ENTPD6: variants seen among roughly 807,000 people sequenced by gnomAD.
ENTPD6 encodes the protein ectonucleoside triphosphate diphosphohydrolase 6.
Under a neutral mutation model 61.5 loss-of-function variants are expected in ENTPD6, and 46 were observed. That is an observed-to-expected ratio of 0.75 (90% confidence interval 0.59 to 0.96). The LOEUF (loss-of-function observed/expected upper bound fraction) is 0.96. ENTPD6 is among the 40% of genes least tolerant of loss of function. ENTPD6 has a pLI of 0.00. For synonymous variants in ENTPD6, 252 were observed against 255.5 expected, an observed-to-expected ratio of 0.99 and a Z score of 0.13; for missense variants, 612 against 629.0, an observed-to-expected ratio of 0.97 and a Z score of 0.29.
chr20:25,213,474 C>G, intron 5 of ENTPD6, 68 bp downstream of exon 5: 1 of 1,499,684 alleles, frequency 6.7e-7, no homozygotes, highest in Non-Finnish European at 9.0e-7. Context: ...AAAACAACTG[C>G]TGTCTCACCA....
intron 6 of ENTPD6, among the ~76,000 whole-genome samples, 190 bp downstream of exon 6, chr20:25,215,132 G>A (rs182496241): frequency 7.9e-4 from 120 of 152,310 alleles, no homozygotes; most frequent in African/African-American, 2.8e-3. Flanking sequence ...GTCACAAAAG[G>A]ATCTTTTTGG....
Position 25,224,266 on chromosome 20 carries a change from C to T in ENTPD6, c.1243+109C>T, listed in dbSNP as rs1240382837. ...GGTGTAGCCCCTCCTAAACAATGGCCACAGGCAGGGGCCTCGGCCCCAGCT... is the reference window on the plus strand; with the variant it reads ...GGTGTAGCCCCTCCTAAACAATGGCTACAGGCAGGGGCCTCGGCCCCAGCT... On this transcript the variant is annotated intron_variant, in intron 13 of 14. Transcript: ENST00000376652. 13 of 938,114 alleles carry T rather than the reference C, an allele frequency of 1.4e-5. No homozygotes were observed. In the East Asian group the frequency reaches 3.7e-4, roughly 26 times the overall value. The allele number at this position is 938,114 out of a possible 1,614,324, so 58.1% of individuals were successfully genotyped here.
Position 25,227,234 on chromosome 20 carries a change from A to C in ENTPD6, c.*1637A>C, listed in dbSNP as rs1479419191. ...CACGTGGTGGAGGCCTGCACAGAGCAGGAAAGGACAAAAGACAAAAAGAGG... is the reference window on the plus strand; with the variant it reads ...CACGTGGTGGAGGCCTGCACAGAGCCGGAAAGGACAAAAGACAAAAAGAGG... On this transcript the variant is annotated 3_prime_UTR_variant, in exon 15 of 15. Coordinates refer to ENST00000376652, the MANE Select transcript of ENTPD6 (RefSeq NM_001247.5). 1.3e-5 allele frequency among the ~76,000 whole-genome samples: 2 copies of C among 152,236 alleles called. No individual in the cohort carries two copies. The highest frequency in any genetic ancestry group is 2.9e-5 in the Non-Finnish European group (2 of 68,048).
intron 1 of ENTPD6, chr20:25,196,296 G>GTC: frequency 2.2e-6 from 2 of 924,314 alleles, no homozygotes; most frequent in Non-Finnish European, 2.6e-6. Flanking sequence ...GTGTAAGGAC[G>GTC]ATTCACCCTG....
Position 25,221,338 on chromosome 20 carries a change from G to C in ENTPD6, c.1045+5G>C. 1.2e-6 allele frequency: 2 copies of C among 1,611,446 alleles called. No individual in the cohort carries two copies. The highest frequency in any genetic ancestry group is 8.5e-7 in the Non-Finnish European group (1 of 1,177,652). ...GGGTTTCAGGGCAGAAAGCAGGTAC[G>C]GGGAGGGTTGCTGCCTGTTGGTTTC... On this transcript the variant is annotated splice_donor_5th_base_variant and intron_variant, in intron 11 of 14. Coordinates refer to ENST00000376652, the MANE Select transcript of ENTPD6 (RefSeq NM_001247.5).
At position 25,195,886 on chromosome 20, in the gene ENTPD6, C is replaced by T. The variant is rs1358050664; in HGVS notation, c.-16+19C>T. Reference sequence around the variant, plus strand: ...GTGCATGGTAAGCGGCGGGCCGGGGCGCTGGCGGGGGCGGCCGGGGATCAC... The same window carrying T: ...GTGCATGGTAAGCGGCGGGCCGGGGTGCTGGCGGGGGCGGCCGGGGATCAC... On this transcript the variant is annotated intron_variant, in intron 1 of 14. Coordinates refer to ENST00000376652, the MANE Select transcript of ENTPD6 (RefSeq NM_001247.5). 8.1e-7 allele frequency: 1 copy of T among 1,233,562 alleles called. No homozygotes were observed. The highest frequency in any genetic ancestry group is 3.2e-5 in the East Asian group (1 of 31,652). 76.4% of individuals were successfully genotyped at this position (1,233,562 alleles called of 1,614,324 possible). A position where few individuals can be genotyped will look rare whatever the true frequency, so the allele number is the denominator to read the frequency against.
In ENTPD6 at chr20:25,217,804, TCTC is replaced by T. The variant is rs1205621906; in HGVS notation, c.878+237_878+239del. Among the ~76,000 whole-genome samples, 16 of 148,382 alleles carry T rather than the reference TCTC, an allele frequency of 1.1e-4. No individual in the cohort carries two copies. The East Asian group carries it at 2.8e-3, about 26-fold the overall frequency. On this transcript the variant is annotated intron_variant, in intron 9 of 14. Transcript: ENST00000376652. ...ATACGCACATTCACCCAGACCTCTC[TCTC>T]CTCCTCCTCCTCCCACCTCCTCTGG...
In ENTPD6 at chr20:25,213,393, A is replaced by C; in HGVS notation, c.584A>C (p.Lys195Thr). 1 of 1,610,086 alleles carries C rather than the reference A, an allele frequency of 6.2e-7. No homozygotes were observed. Among genetic ancestry groups the C allele is most frequent in the Non-Finnish European group, 8.5e-7 (1 of 1,177,592 alleles). The part of the protein sequence containing the change: ...LRLLPGEKAQ[K>T]LLQKVKKVFK... ...CTGTTACCTGGAGAAAAGGCCCAGA[A>C]GTTACTGCAGAAGGTGAGCCTGGCC... The change falls in exon 5 of 15, where the codon AAG becomes ACG. Residue 195 changes from lysine to threonine, a missense_variant. By Grantham distance (78) the Lys-to-Thr change is moderately conservative. Transcript: ENST00000376652.
intron 1 of ENTPD6, among the ~76,000 whole-genome samples, chr20:25,198,663 T>C (rs1462572330): frequency 6.6e-6 from 1 of 152,236 alleles, no homozygotes; most frequent in African/African-American, 2.4e-5. Context: ...CTTTGGGTTA[T>C]AGTCTGCTAA....
Position 25,211,464 on chromosome 20 carries a change from G to A in ENTPD6, c.453+1539G>A, listed in dbSNP as rs549994813. Among the ~76,000 whole-genome samples, 7 of 152,316 alleles carry A rather than the reference G, an allele frequency of 4.6e-5. No homozygotes were observed. In the South Asian group the frequency reaches 1.5e-3, roughly 32 times the overall value. ...GGCTGCCTCGGAGGCCCACGTCCTG[G>A]CTCTCTTAGCATCCTTTGAGGCTGG... is the stretch of plus-strand genomic sequence containing the variant. On this transcript the variant is annotated intron_variant, in intron 4 of 14. Coordinates refer to ENST00000376652, the MANE Select transcript of ENTPD6 (RefSeq NM_001247.5).
At chr20:25,225,052 T>C (rs1177841692) in intron 13 of ENTPD6, 153 bp from the exon 14 acceptor site, 2 of 1,241,350 alleles carry the variant, frequency 1.6e-6, no homozygotes, top group African/African-American at 3.0e-5. Flanking sequence ...TGCTGTGCAC[T>C]GGGTGCCTTC....
intron 9 of ENTPD6, 23 bp downstream of exon 9, chr20:25,217,604 G>C (rs750947079): frequency 1.2e-6 from 2 of 1,609,602 alleles, no homozygotes; most frequent in Non-Finnish European, 8.5e-7. Context: ...GAACAGGCGT[G>C]GGGAGGCGCC....
Position 25,214,924 on chromosome 20 carries a change from A to G in ENTPD6, c.655A>G (p.Met219Val), listed in dbSNP as rs2092228852. The G allele has an allele frequency of 1.2e-6, 2 of 1,609,738 alleles. No homozygotes were observed. Among genetic ancestry groups the G allele is most frequent in the Non-Finnish European group, 1.7e-6 (2 of 1,176,084 alleles). Residue 219 changes from methionine (M) to valine (V), a missense_variant, in exon 6 of 15, where the codon ATG becomes GTG. By Grantham distance (21) the Met-to-Val change is conservative. Coordinates refer to ENST00000376652, the MANE Select transcript of ENTPD6 (RefSeq NM_001247.5). ...TGTAGGGGATGACTGTGTTTCCATCATGAACGGAACAGATGAAGGTAAATG... is the reference window on the plus strand; with the variant it reads ...TGTAGGGGATGACTGTGTTTCCATCGTGAACGGAACAGATGAAGGTAAATG... ...FLVGDDCVSI[M>V]NGTDEGVSAW... is the part of the protein sequence containing the mutation.
chr20:25,218,540 A>G lies in ENTPD6; in HGVS notation c.879-10A>G, dbSNP rs144390836. 1.3e-3 allele frequency: 2,093 copies of G among 1,601,398 alleles called. 34 individuals carry two copies. In the African/African-American group the frequency reaches 0.025, roughly 19 times the overall value. ...TGGCAGCTGCCCTCACTGAGGTGTC[A>G]TTCCCACAGCTACCTCGGGCTCGGG... On this transcript the variant is annotated splice_polypyrimidine_tract_variant and intron_variant, in intron 9 of 14. Transcript: ENST00000376652.
At chr20:25,220,226 G>A (rs977922240) in intron 10 of ENTPD6, among the ~76,000 whole-genome samples, 3 of 152,334 alleles carry the variant, frequency 2.0e-5, no homozygotes, top group African/African-American at 7.2e-5. Flanking sequence ...AGTCGCGGCT[G>A]GAATCTCACA....
intron 5 of ENTPD6, among the ~76,000 whole-genome samples, chr20:25,214,228 G>C (rs956703007): frequency 6.6e-6 from 1 of 152,228 alleles, no homozygotes; most frequent in Admixed American, 6.5e-5. Flanking sequence ...TGCAGGAGGA[G>C]GGCACAGGGC....
At position 25,213,261 on chromosome 20, in the gene ENTPD6, A is replaced by G; in HGVS notation, c.454-2A>G. 1 of 1,614,204 alleles carries G rather than the reference A, an allele frequency of 6.2e-7. No homozygotes were observed. Among genetic ancestry groups the G allele is most frequent in the Non-Finnish European group, 8.5e-7 (1 of 1,180,002 alleles). On this transcript the variant is annotated splice_acceptor_variant, in intron 4 of 14. Transcript: ENST00000376652. LOFTEE classifies it high-confidence loss of function. ...CCTGCTTTGCTCTTACCACGTTCAC[A>G]GAGCGCTCAGGGAATCCGGGAACTA...
rs771665756 is a variant in ENTPD6, at chr20:25,206,553, G to A, written c.17G>A (p.Arg6His). ...GCTATGTGAATGAAAAAAGGTATCC[G>A]TTATGAAACTTCCAGAAAAACGAGC... is the stretch of plus-strand genomic sequence containing the variant. Reference protein sequence around the residue: MKKGIRYETSRKTSYI... With the variant: MKKGIHYETSRKTSYI... The change falls in exon 2 of 15, where the codon CGT becomes CAT. Residue 6 changes from arginine (R) to histidine (H), a missense_variant. Physicochemically the swap from Arg to His is conservative, Grantham distance 29. Coordinates refer to ENST00000376652, the MANE Select transcript of ENTPD6 (RefSeq NM_001247.5). 96 of 1,613,606 alleles carry A rather than the reference G, an allele frequency of 5.9e-5. 1 individual carries two copies. The South Asian group carries it at 6.3e-4, about 11-fold the overall frequency.
Position 25,221,233 on chromosome 20 carries a change from T to C in ENTPD6, c.945T>C (p.Ala315=). The C allele has an allele frequency of 6.2e-7, 1 of 1,611,716 alleles. No individual in the cohort carries two copies. ...TTTCCTTTTTAATCTCTGTTTCAGC[T>C]AAGGATGGAAAGGAGTTGGTCAGCC... The part of the protein sequence containing the change: ...AILGGVEGQP[A]KDGKELVSPC... The change falls in exon 11 of 15, where the codon GCT becomes GCC. Residue 315 remains alanine (A), a splice_region_variant and synonymous_variant. Coordinates refer to ENST00000376652, the MANE Select transcript of ENTPD6 (RefSeq NM_001247.5).
Sources: gnomAD v4.1 joint callset for allele counts (sites outside exome capture counted in the v4.1 genomes callset) on GRCh38, gnomAD v4.1.1 for gene constraint, MANE v1.5 for transcripts, NCBI Gene and HGNC (gene_info 2026-07-23, HGNC 2026-07-21) for gene names.